The following UBE2N variants were observed in gnomAD, a reference collection of about 807,000 sequenced individuals.
UBE2N encodes ubiquitin conjugating enzyme E2 N.
For synonymous variants in UBE2N, 70 were observed against 69.2 expected (o/e 1.01, Z -0.06); for missense variants, 60 against 192.1 (o/e 0.31, Z 4.07).
chr12:93,441,881 C>T lies in UBE2N; in HGVS notation c.4G>A (p.Ala2Thr). The change falls in exon 1 of 4, where the codon GCC (alanine) becomes ACC (threonine). Residue 2 changes from alanine (A) to threonine (T), a missense_variant. Ala to Thr is a moderately conservative substitution (Grantham distance 58). Transcript: ENST00000318066. M[A>T]GLPRRIIKET... ...TTGATGATCCTGCGGGGCAGCCCGG[C>T]CATCTTGTCAGAACCCGAGTTCGGC... 2 of 1,578,762 alleles carry T rather than the reference C, an allele frequency of 1.3e-6. No homozygotes were observed. Among genetic ancestry groups the T allele is most frequent in the South Asian group, 1.1e-5 (1 of 87,474 alleles).
chr12:93,419,664 A>G (rs1410854411), intron 1 of UBE2N, among the ~76,000 whole-genome samples: 1 of 152,166 alleles, frequency 6.6e-6, no homozygotes, highest in Non-Finnish European at 1.5e-5. Context: ...TTCCTTTGCA[A>G]ATGAAAAAAC....
At chr12:93,418,635 A>T (rs1325052422) in intron 1 of UBE2N, among the ~76,000 whole-genome samples, 1 of 152,086 alleles carries the variant, frequency 6.6e-6, no homozygotes, top group African/African-American at 2.4e-5. Flanking sequence ...ACACTAAGAT[A>T]AAAATGGCTG....
At chr12:93,429,940 C>T (rs1031457068) in intron 1 of UBE2N, among the ~76,000 whole-genome samples, 3 of 152,066 alleles carry the variant, frequency 2.0e-5, no homozygotes, top group African/African-American at 7.2e-5. Flanking sequence ...TAAGCCAAGG[C>T]TTATTATTGA....
intron 1 of UBE2N, among the ~76,000 whole-genome samples, chr12:93,423,691 C>T (rs2121077445): frequency 6.6e-6 from 1 of 152,286 alleles, no homozygotes; most frequent in East Asian, 1.9e-4. Context: ...TAAAATGTCC[C>T]TTGAACATTT....
chr12:93,420,445 C>A (rs1413292261), intron 1 of UBE2N, among the ~76,000 whole-genome samples: 18 of 152,122 alleles, frequency 1.2e-4, no homozygotes. Context: ...TATCTCAGGT[C>A]TGAATTAGTC....
chr12:93,420,180 T>C (rs1181890783), intron 1 of UBE2N, among the ~76,000 whole-genome samples: 1 of 152,198 alleles, frequency 6.6e-6, no homozygotes, highest in East Asian at 1.9e-4. Flanking sequence ...TAGACCAGAG[T>C]ATTCCTTTTT....
At chr12:93,433,977 G>C (rs1244230601) in intron 1 of UBE2N, among the ~76,000 whole-genome samples, 1 of 152,224 alleles carries the variant, frequency 6.6e-6, no homozygotes, top group African/African-American at 2.4e-5. Context: ...CCTCACCAGA[G>C]AAAGAAAAGG....
At chr12:93,420,688 T>C (rs1472576094) in intron 1 of UBE2N, among the ~76,000 whole-genome samples, 2 of 152,178 alleles carry the variant, frequency 1.3e-5, no homozygotes, top group African/African-American at 2.4e-5. Flanking sequence ...GCTGTGTTCA[T>C]TGGTAAATTC....
intron 1 of UBE2N, among the ~76,000 whole-genome samples, chr12:93,433,108 TA>T (rs950106977): frequency 7.2e-5 from 11 of 152,024 alleles, no homozygotes; most frequent in African/African-American, 2.7e-4. Context: ...AATTTTTTTG[TA>T]TTTTTAGTAG....
chr12:93,427,217 G>A (rs1049580325), intron 1 of UBE2N, among the ~76,000 whole-genome samples: 8 of 152,224 alleles, frequency 5.3e-5, no homozygotes, highest in Non-Finnish European at 8.8e-5. Context: ...ACCATGCCCA[G>A]CCATGAGACA....
At chr12:93,416,130 T>G (rs572713490) in intron 1 of UBE2N, among the ~76,000 whole-genome samples, 1 of 152,334 alleles carries the variant, frequency 6.6e-6, no homozygotes, top group African/African-American at 2.4e-5. Context: ...GCATAATTAT[T>G]TCACTAAACT....
At chr12:93,416,602 T>C (rs1878217927) in intron 1 of UBE2N, among the ~76,000 whole-genome samples, 1 of 152,132 alleles carries the variant, frequency 6.6e-6, no homozygotes, top group Non-Finnish European at 1.5e-5. Flanking sequence ...TTCACCATGT[T>C]AGCCAGGCAG....
In UBE2N at chr12:93,408,460, C is replaced by T. The variant is rs887934578; in HGVS notation, c.*1579G>A. On this transcript the variant is annotated 3_prime_UTR_variant, in exon 4 of 4. Coordinates refer to ENST00000318066, the MANE Select transcript of UBE2N (RefSeq NM_003348.4). ...ACAATCTGAAGAAACTCCAGAATTA[C>T]GAGAATAAGAGTGAAGAAAATTCAA... 5.9e-5 allele frequency: 9 copies of T among 152,224 alleles called. No individual in the cohort carries two copies. The highest frequency in any genetic ancestry group is 1.2e-4 in the Non-Finnish European group (8 of 68,010). The allele number at this position is 152,224 out of a possible 1,614,324, so 9.4% of individuals were successfully genotyped here.
intron 1 of UBE2N, among the ~76,000 whole-genome samples, chr12:93,441,544 C>G (rs1048414800): frequency 6.6e-6 from 1 of 152,044 alleles, no homozygotes; most frequent in Non-Finnish European, 1.5e-5. Flanking sequence ...AGGCCCGCGC[C>G]CAAGCCCAGA....
At chr12:93,427,289 G>A (rs1878624942) in intron 1 of UBE2N, among the ~76,000 whole-genome samples, 1 of 152,224 alleles carries the variant, frequency 6.6e-6, no homozygotes, top group Non-Finnish European at 1.5e-5. Context: ...CTAAAGCAAT[G>A]CAGGCTTCAC....
At chr12:93,438,622 TAC>T (rs1441830012) in intron 1 of UBE2N, among the ~76,000 whole-genome samples, 2 of 152,088 alleles carry the variant, frequency 1.3e-5, no homozygotes, top group Non-Finnish European at 2.9e-5. Flanking sequence ...GGAGAACCTC[TAC>T]AGTTTTTAGC....
At chr12:93,423,313 C>T (rs1047830099) in intron 1 of UBE2N, among the ~76,000 whole-genome samples, 2 of 152,012 alleles carry the variant, frequency 1.3e-5, no homozygotes, top group Non-Finnish European at 2.9e-5. Flanking sequence ...CTGTTGGTTG[C>T]TAAAATGAAG....
At chr12:93,415,112 T>C (rs1878165634) in intron 1 of UBE2N, among the ~76,000 whole-genome samples, 2 of 152,178 alleles carry the variant, frequency 1.3e-5, no homozygotes, top group Admixed American at 6.5e-5. Flanking sequence ...TAGTCTAACT[T>C]CTACTTATAT....
At chr12:93,413,395 T>C (rs527470727) in intron 1 of UBE2N, among the ~76,000 whole-genome samples, 12 of 152,276 alleles carry the variant, frequency 7.9e-5, no homozygotes, top group African/African-American at 2.4e-4. Flanking sequence ...AGTGATCTCA[T>C]GTAATGCAAT....
Sources: gnomAD v4.1 joint callset for allele counts (sites outside exome capture counted in the v4.1 genomes callset) on GRCh38, gnomAD v4.1.1 for gene constraint, MANE v1.5 for transcripts, NCBI Gene and HGNC (gene_info 2026-07-23, HGNC 2026-07-21) for gene names.